UMAD1: variants seen among roughly 807,000 people sequenced by gnomAD.
UMAD1 encodes UBAP1-MVB12-associated (UMA) domain containing 1, also known as UBAP1-MVB12-associated (UMA)-domain containing protein 1.
Under a neutral mutation model 6.1 loss-of-function variants are expected in UMAD1, and 8 were observed. The observed-to-expected ratio is 1.30, with a 90% CI of 0.76 to 2.35. The LOEUF is 2.35. Ranked by LOEUF, UMAD1 falls within the 30% of genes most tolerant of loss-of-function variation. The probability of loss-of-function intolerance (pLI) is 0.00; values close to 1 mark genes in which losing one functional copy is unlikely to be tolerated. For missense variants in UMAD1, 130 were observed against 78.4 expected (o/e 1.66, Z -2.49); for synonymous variants, 56 against 31.4 (o/e 1.78, Z -2.61).
At chr7:7,682,517 A>G (rs1405913359) in intron 2 of UMAD1, among the ~76,000 whole-genome samples, 1 of 152,206 alleles carries the variant, frequency 6.6e-6, no homozygotes, top group Non-Finnish European at 1.5e-5. Context: ...AGCTGTATAC[A>G]TAAAAATTTA....
chr7:7,680,957 A>G (rs982333666), intron 2 of UMAD1, among the ~76,000 whole-genome samples: 4 of 152,134 alleles, frequency 2.6e-5, no homozygotes, highest in African/African-American at 7.2e-5. Context: ...ATACACATGT[A>G]TCATGGTTAG....
chr7:7,865,071 C>T (rs141851520), intron 3 of UMAD1, among the ~76,000 whole-genome samples: 1 of 152,288 alleles, frequency 6.6e-6, no homozygotes, highest in East Asian at 1.9e-4. Flanking sequence ...TTTGACTGTT[C>T]ATGAGGGTAT....
At chr7:7,690,329 G>T (rs1294984441) in intron 2 of UMAD1, among the ~76,000 whole-genome samples, 1 of 151,816 alleles carries the variant, frequency 6.6e-6, no homozygotes, top group African/African-American at 2.4e-5. Context: ...AAGTGTATAT[G>T]TTTCCTTTTA....
intron 2 of UMAD1, among the ~76,000 whole-genome samples, chr7:7,750,452 T>A (rs1781656228): frequency 6.6e-6 from 1 of 152,178 alleles, no homozygotes; most frequent in South Asian, 2.1e-4. Context: ...GTTTGAAATG[T>A]ACAATACTTG....
chr7:7,679,818 G>C (rs550379582), intron 2 of UMAD1, among the ~76,000 whole-genome samples: 1 of 150,688 alleles, frequency 6.6e-6, no homozygotes, highest in Non-Finnish European at 1.5e-5. Context: ...TCCTGCCTCT[G>C]CCTCCCAAAG....
At position 7,745,784 on chromosome 7, in the gene UMAD1, C is replaced by T. The variant is rs143183033; in HGVS notation, c.83-55886C>T. 2.3e-4 allele frequency among the ~76,000 whole-genome samples: 35 copies of T among 152,300 alleles called. 1 individual carries two copies. The East Asian group carries it at 6.2e-3, about 27-fold the overall frequency. On this transcript the variant is annotated intron_variant, in intron 2 of 3. Coordinates refer to ENST00000682710, the MANE Select transcript of UMAD1 (RefSeq NM_001302348.2). ...GTACGATGACAAATGGCCTGTTTCC[C>T]CACATTTTCTTTCCATTCCCCCTCA...
chr7:7,641,493 T>G (rs1784973354), intron 1 of UMAD1: 1 of 152,216 alleles, frequency 6.6e-6, no homozygotes. Flanking sequence ...GCCATATGTT[T>G]GACTCAACAG....
At position 7,878,499 on chromosome 7, in the gene UMAD1, A is replaced by T. The variant is rs144866756; in HGVS notation, c.*961A>T. On this transcript the variant is annotated 3_prime_UTR_variant, in exon 4 of 4. Coordinates refer to ENST00000682710, the MANE Select transcript of UMAD1 (RefSeq NM_001302348.2). ...AGTATAGGCAGAACACCTAGATATG[A>T]CTTTTAGTTCTTGAATATCCATTAC... 6 of 152,230 alleles carry T rather than the reference A, an allele frequency of 3.9e-5. No individual in the cohort carries two copies. Among genetic ancestry groups the T allele is most frequent in the African/African-American group, 1.4e-4 (6 of 41,452 alleles). The allele number at this position is 152,230 out of a possible 1,614,324, so 9.4% of individuals were successfully genotyped here.
chr7:7,834,089 C>G (rs1783517679), intron 3 of UMAD1, among the ~76,000 whole-genome samples: 1 of 136,324 alleles, frequency 7.3e-6, no homozygotes, highest in African/African-American at 2.8e-5. Flanking sequence ...ATGGCGTGAT[C>G]TCAGCTCACT....
intron 1 of UMAD1, among the ~76,000 whole-genome samples, chr7:7,662,120 C>G (rs1415890627): frequency 1.3e-5 from 2 of 152,098 alleles, no homozygotes; most frequent in South Asian, 4.1e-4. Flanking sequence ...GAGGGGAAAA[C>G]GGCCCACTCA....
chr7:7,731,485 C>A (rs1158879140), intron 2 of UMAD1, among the ~76,000 whole-genome samples: 1 of 143,180 alleles, frequency 7.0e-6, no homozygotes, highest in Admixed American at 6.9e-5. Flanking sequence ...ACAAACAACC[C>A]CCCCCCAAAA....
rs559687368 is a variant in UMAD1 at position 7,858,222 on chromosome 7, G to T, written c.157-19059G>T. Among the ~76,000 whole-genome samples the T allele has an allele frequency of 2.0e-5, 3 of 152,164 alleles. No individual in the cohort carries two copies. The South Asian group carries it at 6.2e-4, about 32-fold the overall frequency. ...GGCACACTATCGGAAGCTTAAGACC[G>T]ATTTGATGTAAAGTTAATGAAACGA... On this transcript the variant is annotated intron_variant, in intron 3 of 3. Coordinates refer to ENST00000682710, the MANE Select transcript of UMAD1 (RefSeq NM_001302348.2).
At chr7:7,778,260 G>A (rs1003639025) in intron 2 of UMAD1, among the ~76,000 whole-genome samples, 1 of 142,262 alleles carries the variant, frequency 7.0e-6, no homozygotes, top group African/African-American at 2.6e-5. Context: ...GTGTGTGTGT[G>A]TGTGTGTGTG....
intron 3 of UMAD1, among the ~76,000 whole-genome samples, chr7:7,820,909 A>T (rs1397661030): frequency 6.6e-6 from 1 of 152,198 alleles, no homozygotes; most frequent in African/African-American, 2.4e-5. Flanking sequence ...TGATAATTAG[A>T]TCCTCAGAGA....
At chr7:7,789,030 C>G (rs1782511825) in intron 2 of UMAD1, among the ~76,000 whole-genome samples, 1 of 152,142 alleles carries the variant, frequency 6.6e-6, no homozygotes, top group Non-Finnish European at 1.5e-5. Flanking sequence ...TAGAGTCAAG[C>G]ATATTGATAT....
At chr7:7,816,855 G>C (rs2115291307) in intron 3 of UMAD1, among the ~76,000 whole-genome samples, 1 of 152,258 alleles carries the variant, frequency 6.6e-6, no homozygotes, top group African/African-American at 2.4e-5. Flanking sequence ...AAGAGTTTTT[G>C]TAATAGCCCT....
intron 2 of UMAD1, among the ~76,000 whole-genome samples, chr7:7,700,079 C>T (rs1780420445): frequency 6.6e-6 from 1 of 152,102 alleles, no homozygotes; most frequent in Non-Finnish European, 1.5e-5. Context: ...AGTCTGGGCT[C>T]CTTTAACAAA....
chr7:7,695,456 T>C (rs1386320804), intron 2 of UMAD1, among the ~76,000 whole-genome samples: 1 of 152,244 alleles, frequency 6.6e-6, no homozygotes, highest in African/African-American at 2.4e-5. Flanking sequence ...TTACTCTGAT[T>C]CTGTCCATTT....
rs201830198 is a variant in UMAD1, at chr7:7,741,617, A to T, written c.83-60053A>T. 3.1e-3 allele frequency among the ~76,000 whole-genome samples: 419 copies of T among 135,006 alleles called. 1 individual carries two copies. Among genetic ancestry groups the T allele is most frequent in the Non-Finnish European group, 5.4e-3 (323 of 59,804 alleles). The allele number at this position is 135,006 out of a possible 152,430, so 88.6% of individuals were successfully genotyped here. ...ATAATAATAATAATAATAATAATAA[A>T]AATAATAAAAAAACACTGTAATGTA... On this transcript the variant is annotated intron_variant, in intron 2 of 3. Coordinates refer to ENST00000682710, the MANE Select transcript of UMAD1 (RefSeq NM_001302348.2).
Sources: gnomAD v4.1 joint callset for allele counts (sites outside exome capture counted in the v4.1 genomes callset) on GRCh38, gnomAD v4.1.1 for gene constraint, MANE v1.5 for transcripts, NCBI Gene and HGNC (gene_info 2026-07-23, HGNC 2026-07-21) for gene names.